Variants in DSCAM observed in about 807,000 individuals in gnomAD.
DSCAM encodes the protein DS cell adhesion molecule.
In DSCAM, 47 loss-of-function variants were observed where a neutral mutation model predicts 217.7. The observed-to-expected ratio is 0.22, with a 90% CI of 0.17 to 0.28. DSCAM has a LOEUF of 0.28. DSCAM is among the 10% of genes least tolerant of loss of function. DSCAM has a pLI of 1.00. For missense variants in DSCAM, 2,080 were observed against 2,618.3 expected, an observed-to-expected ratio of 0.79 and a Z score of 4.49; for synonymous variants, 1,056 against 1,015.3, an observed-to-expected ratio of 1.04 and a Z score of -0.76.
chr21:40,767,093 AAAAC>A (rs1252971016), intron 1 of DSCAM, among the ~76,000 whole-genome samples: 3 of 152,188 alleles, frequency 2.0e-5, no homozygotes, highest in Non-Finnish European at 4.4e-5. Flanking sequence ...AGGGAACAAA[AAAAC>A]TAATTCACAA....
intron 8 of DSCAM, among the ~76,000 whole-genome samples, chr21:40,326,134 T>C (rs1287427566): frequency 6.6e-6 from 1 of 151,920 alleles, no homozygotes. Context: ...CCAGAATTGG[T>C]GGATGGTTGA....
chr21:40,608,490 T>C (rs2146273939), intron 3 of DSCAM, among the ~76,000 whole-genome samples: 1 of 152,328 alleles, frequency 6.6e-6, no homozygotes, highest in Middle Eastern at 3.4e-3. Flanking sequence ...CAGCTCAAAA[T>C]AAACTGTTTT....
At chr21:40,215,433 A>G (rs1569004405) in intron 11 of DSCAM, among the ~76,000 whole-genome samples, 1 of 151,910 alleles carries the variant, frequency 6.6e-6, no homozygotes, top group Non-Finnish European at 1.5e-5. Flanking sequence ...AAAAAAACAA[A>G]AAGAAAAAAT....
chr21:40,065,520 G>A (rs1391158373), intron 27 of DSCAM, among the ~76,000 whole-genome samples: 2 of 152,086 alleles, frequency 1.3e-5, no homozygotes, highest in Non-Finnish European at 2.9e-5. Flanking sequence ...ATGAATGTTG[G>A]AATCCCTTTC....
chr21:40,554,400 T>C (rs1005213281), intron 3 of DSCAM, among the ~76,000 whole-genome samples: 2 of 152,148 alleles, frequency 1.3e-5, no homozygotes, highest in Non-Finnish European at 2.9e-5. Flanking sequence ...CTAGGAATGT[T>C]TTCCCCTGGC....
At chr21:40,485,577 T>G (rs1370208400) in intron 3 of DSCAM, among the ~76,000 whole-genome samples, 1 of 152,148 alleles carries the variant, frequency 6.6e-6, no homozygotes, top group African/African-American at 2.4e-5. Context: ...AAGGAACTAA[T>G]ACAGAAGGCT....
chr21:40,240,104 T>C (rs926913313), intron 11 of DSCAM, among the ~76,000 whole-genome samples: 1 of 152,144 alleles, frequency 6.6e-6, no homozygotes, highest in African/African-American at 2.4e-5. Flanking sequence ...TCTCACAAGA[T>C]CTGCCCCTGG....
chr21:40,720,945 T>C (rs2090894515), intron 1 of DSCAM, among the ~76,000 whole-genome samples: 2 of 152,176 alleles, frequency 1.3e-5, no homozygotes, highest in South Asian at 4.1e-4. Flanking sequence ...GATATTTGCA[T>C]GCGTGTAAGA....
intron 3 of DSCAM, among the ~76,000 whole-genome samples, chr21:40,425,647 A>T (rs2075466409): frequency 6.7e-6 from 1 of 149,128 alleles, no homozygotes; most frequent in Non-Finnish European, 1.5e-5. Flanking sequence ...AGCCTGAGCA[A>T]CAAAGAGCGA....
chr21:40,395,909 G>A (rs1490576375), intron 3 of DSCAM, among the ~76,000 whole-genome samples: 6 of 152,070 alleles, frequency 3.9e-5, no homozygotes, highest in Admixed American at 6.5e-5. Flanking sequence ...TCCCTGCCAC[G>A]GCCCTCACAG....
chr21:40,040,899 T>A (rs2088734916), intron 32 of DSCAM, among the ~76,000 whole-genome samples: 2 of 151,434 alleles, frequency 1.3e-5, no homozygotes, highest in African/African-American at 4.9e-5. Flanking sequence ...TTTTCTCCAT[T>A]TGCCTTGCAA....
At chr21:40,205,539 G>A (rs2091114787) in intron 11 of DSCAM, among the ~76,000 whole-genome samples, 2 of 150,810 alleles carry the variant, frequency 1.3e-5, no homozygotes, top group South Asian at 4.2e-4. Flanking sequence ...GGAGATGGAG[G>A]TTGCAGTGAG....
chr21:40,729,747 C>T (rs1458979599), intron 1 of DSCAM, among the ~76,000 whole-genome samples: 2 of 152,052 alleles, frequency 1.3e-5, no homozygotes, highest in Admixed American at 1.3e-4. Context: ...TTGAAAAAAC[C>T]AAACCAGAAA....
Position 40,189,109 on chromosome 21 carries a change from T to C in DSCAM, c.2486A>G (p.Asn829Ser), listed in dbSNP as rs1221386894. ...CACAAGATAACGGGCCATCTCAGGGTTAATGATTCGGTCCTCCTTCTCCCA... is the reference window on the plus strand; with the variant it reads ...CACAAGATAACGGGCCATCTCAGGGCTAATGATTCGGTCCTCCTTCTCCCA... Reference protein sequence around the residue: ...VRWEKEDRIINPEMARYLVST... With the variant: ...VRWEKEDRIISPEMARYLVST... Residue 829 changes from asparagine to serine, a missense_variant, in exon 12 of 33, where the codon AAC becomes AGC. Around this residue, in one of 5 missense-constraint regions of DSCAM, gnomAD observed 1,144 missense variants for 1,421.1 expected, o/e 0.81. Coordinates refer to ENST00000400454, the MANE Select transcript of DSCAM (RefSeq NM_001389.5). 1 of 1,613,982 alleles carries C rather than the reference T, an allele frequency of 6.2e-7. No individual in the cohort carries two copies. The highest frequency in any genetic ancestry group is 8.5e-7 in the Non-Finnish European group (1 of 1,179,998).
intron 3 of DSCAM, among the ~76,000 whole-genome samples, chr21:40,395,546 T>A (rs1273800899): frequency 6.6e-6 from 1 of 152,146 alleles, no homozygotes; most frequent in East Asian, 1.9e-4. Context: ...TGGGTGTAGA[T>A]TCCATAGTTG....
chr21:40,177,353 A>G (rs1306424393), intron 15 of DSCAM, among the ~76,000 whole-genome samples: 1 of 152,210 alleles, frequency 6.6e-6, no homozygotes, highest in Non-Finnish European at 1.5e-5. Context: ...GCAGATGAGA[A>G]ATCATACAGA....
intron 3 of DSCAM, among the ~76,000 whole-genome samples, chr21:40,479,550 G>A (rs530880926): frequency 6.6e-6 from 1 of 152,280 alleles, no homozygotes; most frequent in Non-Finnish European, 1.5e-5. Flanking sequence ...AGGAGCAAAG[G>A]CATGTCTTAC....
intron 9 of DSCAM, among the ~76,000 whole-genome samples, chr21:40,299,777 A>T (rs2837561): frequency 0.17 from 26,094 of 152,000 alleles, 4,030 homozygotes; most frequent in African/African-American, 0.4. Context: ...AGGGACAACA[A>T]AGTTCCCAAT....
intron 1 of DSCAM, among the ~76,000 whole-genome samples, chr21:40,773,687 T>A (rs2091465194): frequency 6.6e-6 from 1 of 152,206 alleles, no homozygotes; most frequent in South Asian, 2.1e-4. Flanking sequence ...AGGCCCCTGA[T>A]TTTCCCTCTG....
Sources: allele counts gnomAD v4.1 joint callset (sites outside exome capture counted in the v4.1 genomes callset), GRCh38; gene constraint gnomAD v4.1.1; regional missense constraint gnomAD v4.1.1; transcripts MANE v1.5; gene names NCBI Gene and HGNC (gene_info 2026-07-23, HGNC 2026-07-21).